The following LYZL4 variants were observed in gnomAD, a reference collection of about 807,000 sequenced individuals.
LYZL4 encodes the protein lysozyme like 4.
LYZL4 carries 13 observed loss-of-function variants against 17.6 expected under a neutral mutation model. The ratio of observed to expected loss-of-function variants is 0.74; its 90% CI spans 0.48 to 1.18. LYZL4 has a LOEUF of 1.18. LYZL4 is among the 50% of genes most tolerant of loss of function. LYZL4 has a pLI of 0.00. For synonymous variants in LYZL4, 64 were observed against 67.7 expected, an observed-to-expected ratio of 0.95 and a Z score of 0.27; for missense variants, 174 against 188.2, an observed-to-expected ratio of 0.92 and a Z score of 0.44.
intron 4 of LYZL4, among the ~76,000 whole-genome samples, chr3:42,397,980 T>C (rs17074381): frequency 0.03 from 4,553 of 152,250 alleles, 229 homozygotes; most frequent in African/African-American, 0.1. Flanking sequence ...TCAGGCCAGC[T>C]GTACGCCATT....
chr3:42,366,954 T>C, the LYZL4 span, among the ~76,000 whole-genome samples: 1 of 152,244 alleles, frequency 6.6e-6, no homozygotes, highest in Non-Finnish European at 1.5e-5. Context: ...GGTACAGGGC[T>C]GTGCTTATAG....
the LYZL4 span, among the ~76,000 whole-genome samples, chr3:42,375,334 A>G: frequency 1.3e-5 from 2 of 152,190 alleles, no homozygotes; most frequent in African/African-American, 4.8e-5. Context: ...CAGCCTCTCT[A>G]GCTTCTGCTT....
the LYZL4 span, among the ~76,000 whole-genome samples, chr3:42,365,754 C>T: frequency 6.6e-6 from 1 of 152,122 alleles, no homozygotes; most frequent in Non-Finnish European, 1.5e-5. Flanking sequence ...TAATCTACCA[C>T]AAAGGGTATG....
chr3:42,396,588 A>G (rs1448989277), downstream of LYZL4, among the ~76,000 whole-genome samples: 1 of 152,256 alleles, frequency 6.6e-6, no homozygotes, highest in African/African-American at 2.4e-5. Context: ...TAAAAAACCT[A>G]TACAGAAAAA....
the LYZL4 span, among the ~76,000 whole-genome samples, chr3:42,391,655 G>C: frequency 4.6e-5 from 7 of 152,104 alleles, no homozygotes; most frequent in African/African-American, 1.7e-4. Context: ...GAGGAAACTT[G>C]GATACGTTTT....
chr3:42,400,949 C>A (rs189826356), intron 4 of LYZL4, among the ~76,000 whole-genome samples: 1 of 152,124 alleles, frequency 6.6e-6, no homozygotes, highest in Non-Finnish European at 1.5e-5. Context: ...ACACTCACAC[C>A]AGCAAAATCT....
chr3:42,403,917 AC>A (rs1386181996), intron 4 of LYZL4, 128 bp downstream of exon 4: 9 of 579,502 alleles, frequency 1.6e-5, no homozygotes, highest in Admixed American at 3.4e-5. Context: ...TCTGCTACTT[AC>A]CTTGGTGAGT....
At chr3:42,369,085 A>G in the LYZL4 span, among the ~76,000 whole-genome samples, 1 of 152,224 alleles carries the variant, frequency 6.6e-6, no homozygotes, top group Admixed American at 6.5e-5. Flanking sequence ...CTGCAGATTT[A>G]ATTGTTTTAA....
intron 1 of LYZL4, among the ~76,000 whole-genome samples, chr3:42,408,046 T>C (rs1168829599): frequency 2.6e-5 from 4 of 152,156 alleles, no homozygotes; most frequent in Non-Finnish European, 4.4e-5. Flanking sequence ...TCTTTTCCAT[T>C]TTAAGTGGCT....
At chr3:42,393,577 A>G (rs1332273542), downstream of LYZL4, among the ~76,000 whole-genome samples, 1 of 152,198 alleles carries the variant, frequency 6.6e-6, no homozygotes, top group Non-Finnish European at 1.5e-5. Context: ...TGGCTCAATG[A>G]TAAGTGGCAG....
the LYZL4 span, among the ~76,000 whole-genome samples, chr3:42,383,342 C>T: frequency 6.6e-6 from 1 of 151,586 alleles, no homozygotes; most frequent in African/African-American, 2.4e-5. Flanking sequence ...GAGTGAAAGA[C>T]CTGACATCAG....
the LYZL4 span, among the ~76,000 whole-genome samples, chr3:42,387,192 T>C: frequency 6.6e-6 from 1 of 152,186 alleles, no homozygotes; most frequent in Non-Finnish European, 1.5e-5. Flanking sequence ...GCTATTGTTG[T>C]CTGTATTTAT....
the LYZL4 span, among the ~76,000 whole-genome samples, chr3:42,370,239 T>C: frequency 6.6e-6 from 1 of 152,134 alleles, no homozygotes; most frequent in Non-Finnish European, 1.5e-5. Flanking sequence ...ATTTAGTAGT[T>C]ACAGCATTTT....
At chr3:42,374,217 A>G in the LYZL4 span, among the ~76,000 whole-genome samples, 2 of 152,202 alleles carry the variant, frequency 1.3e-5, no homozygotes, top group Admixed American at 6.5e-5. Context: ...AGGTGTGAGG[A>G]AACAAAGGCA....
downstream of LYZL4, among the ~76,000 whole-genome samples, chr3:42,396,828 C>T (rs1293261980): frequency 6.6e-6 from 1 of 152,216 alleles, no homozygotes; most frequent in Non-Finnish European, 1.5e-5. Flanking sequence ...CCCCGTGTGT[C>T]CCAGTGTGGA....
At chr3:42,363,268 C>G in the LYZL4 span, among the ~76,000 whole-genome samples, 2 of 152,014 alleles carry the variant, frequency 1.3e-5, no homozygotes, top group South Asian at 2.1e-4. Context: ...TTTTGGGGAA[C>G]AGTTGGGGAA....
intron 3 of LYZL4, 34 bp downstream of exon 3, chr3:42,406,812 A>G (rs898557833): frequency 6.2e-7 from 1 of 1,611,032 alleles, no homozygotes; most frequent in African/African-American, 1.3e-5. Context: ...CATAGCCTCC[A>G]GTGCCCCCGC....
intron 4 of LYZL4, among the ~76,000 whole-genome samples, chr3:42,399,867 G>A (rs1559454153): frequency 6.6e-6 from 1 of 151,592 alleles, no homozygotes; most frequent in South Asian, 2.1e-4. Flanking sequence ...TATAGAAGCA[G>A]GAAAAACAAT....
At chr3:42,365,808 A>G in the LYZL4 span, among the ~76,000 whole-genome samples, 1 of 152,176 alleles carries the variant, frequency 6.6e-6, no homozygotes, top group Non-Finnish European at 1.5e-5. Flanking sequence ...TAGTAGAAAC[A>G]TGATGTTTAC....
Sources: gnomAD v4.1 joint callset for allele counts (sites outside exome capture counted in the v4.1 genomes callset) on GRCh38, gnomAD v4.1.1 for gene constraint, MANE v1.5 for transcripts, NCBI Gene and HGNC (gene_info 2026-07-23, HGNC 2026-07-21) for gene names.